Variants in PTPRT observed in about 807,000 individuals in gnomAD.
The protein encoded by PTPRT is receptor-type tyrosine-protein phosphatase T.
PTPRT carries 56 observed loss-of-function variants against 176.8 expected under a neutral mutation model. The observed-to-expected ratio is 0.32, with a 90% confidence interval of 0.26 to 0.40. The LOEUF (loss-of-function observed/expected upper bound fraction) is 0.40, where lower values mean the gene tolerates loss of function less well. Among genes scored for constraint, PTPRT ranks in the 10% least tolerant of loss-of-function variants. The pLI, the probability that PTPRT is intolerant of heterozygous loss-of-function variation, is 1.00. For synonymous variants in PTPRT, 783 were observed against 739.0 expected (o/e 1.06, Z -0.96); for missense variants, 1,540 against 1,908.2 (o/e 0.81, Z 3.60).
chr20:42,397,803 C>T (rs139336708), intron 9 of PTPRT, among the ~76,000 whole-genome samples: 1 of 152,082 alleles, frequency 6.6e-6, no homozygotes, highest in Non-Finnish European at 1.5e-5. Context: ...TGAGTATATA[C>T]CCAGTAGTGG....
chr20:42,937,914 C>G (rs927544310), intron 1 of PTPRT, among the ~76,000 whole-genome samples: 1 of 152,148 alleles, frequency 6.6e-6, no homozygotes, highest in African/African-American at 2.4e-5. Flanking sequence ...ACAAGTGACT[C>G]AGATATGCTA....
intron 2 of PTPRT, among the ~76,000 whole-genome samples, chr20:42,844,474 G>T (rs2145737241): frequency 6.6e-6 from 1 of 152,230 alleles, no homozygotes. Flanking sequence ...GATTTCATTG[G>T]TTTCCAGGAC....
At chr20:42,698,021 TC>T (rs2075910000) in intron 6 of PTPRT, among the ~76,000 whole-genome samples, 1 of 152,224 alleles carries the variant, frequency 6.6e-6, no homozygotes, top group East Asian at 1.9e-4. Flanking sequence ...TGATCTCTAA[TC>T]GTATCATTCC....
At chr20:42,748,055 T>C (rs1172741448) in intron 6 of PTPRT, among the ~76,000 whole-genome samples, 4 of 152,172 alleles carry the variant, frequency 2.6e-5, no homozygotes, top group Non-Finnish European at 4.4e-5. Context: ...CCTGTTTCTG[T>C]AAATAAAGTT....
chr20:42,573,475 T>C (rs2073195258), intron 7 of PTPRT, among the ~76,000 whole-genome samples: 1 of 152,170 alleles, frequency 6.6e-6, no homozygotes, highest in Non-Finnish European at 1.5e-5. Context: ...TTAGACAGTG[T>C]TGTGGTGAGA....
chr20:42,139,040 G>A (rs187792450), intron 18 of PTPRT, among the ~76,000 whole-genome samples: 9 of 152,314 alleles, frequency 5.9e-5, no homozygotes, highest in East Asian at 5.8e-4. Flanking sequence ...TGGGAGGGAC[G>A]CATACAAGGG....
At chr20:43,066,432 G>T (rs1470475012) in intron 1 of PTPRT, among the ~76,000 whole-genome samples, 3 of 152,134 alleles carry the variant, frequency 2.0e-5, no homozygotes, top group African/African-American at 7.2e-5. Context: ...CATTGCAGAG[G>T]CTCCCAGTGA....
chr20:42,618,039 C>A (rs1461994453), intron 7 of PTPRT, among the ~76,000 whole-genome samples: 1 of 136,804 alleles, frequency 7.3e-6, no homozygotes. Context: ...GTTAGGGTGT[C>A]AATTTTGGAT....
chr20:42,133,121 C>T (rs1046662194), intron 18 of PTPRT, among the ~76,000 whole-genome samples: 3 of 152,300 alleles, frequency 2.0e-5, no homozygotes, highest in African/African-American at 7.2e-5. Flanking sequence ...ACATATTCTA[C>T]ACTTTATTAT....
At position 42,258,097 on chromosome 20, in the gene PTPRT, A is replaced by G. The variant is rs974989870; in HGVS notation, c.2177-9275T>C. On this transcript the variant is annotated intron_variant, in intron 13 of 30. Coordinates refer to ENST00000373187, the MANE Select transcript of PTPRT (RefSeq NM_007050.6). ...TGTCTTTTCTCAAATATCTGGAAGAAAGAAGCAGACACGTATTTAGATCTA... is the reference window on the plus strand; with the variant it reads ...TGTCTTTTCTCAAATATCTGGAAGAGAGAAGCAGACACGTATTTAGATCTA... Among the ~76,000 whole-genome samples the G allele has an allele frequency of 2.0e-5, 3 of 152,200 alleles. No individual in the cohort carries two copies. In the South Asian group the frequency reaches 6.2e-4, roughly 32 times the overall value.
chr20:43,105,601 A>G (rs1267052029), intron 1 of PTPRT, among the ~76,000 whole-genome samples: 2 of 152,100 alleles, frequency 1.3e-5, no homozygotes, highest in African/African-American at 2.4e-5. Flanking sequence ...AAGTTTCACT[A>G]TGTTGCCCAG....
At chr20:42,367,849 C>T (rs2058535723) in intron 9 of PTPRT, among the ~76,000 whole-genome samples, 1 of 152,140 alleles carries the variant, frequency 6.6e-6, no homozygotes, top group Non-Finnish European at 1.5e-5. Context: ...AGGCATCTAG[C>T]CTGGGTGGCA....
At chr20:43,008,216 A>C (rs2146144804) in intron 1 of PTPRT, among the ~76,000 whole-genome samples, 1 of 152,152 alleles carries the variant, frequency 6.6e-6, no homozygotes, top group South Asian at 2.1e-4. Context: ...ATGAAAGTGA[A>C]GTTCTCATGA....
intron 12 of PTPRT, among the ~76,000 whole-genome samples, chr20:42,298,499 A>G (rs534619956): frequency 6.6e-6 from 1 of 152,332 alleles, no homozygotes; most frequent in African/African-American, 2.4e-5. Context: ...ATTCACTCTG[A>G]AGACGCACCT....
intron 16 of PTPRT, among the ~76,000 whole-genome samples, chr20:42,162,329 A>G (rs1041729772): frequency 6.6e-6 from 1 of 152,100 alleles, no homozygotes; most frequent in African/African-American, 2.4e-5. Flanking sequence ...TCTCTCCCTG[A>G]TGTAGGATCT....
intron 12 of PTPRT, among the ~76,000 whole-genome samples, chr20:42,298,803 C>A (rs1367879233): frequency 6.6e-6 from 1 of 152,064 alleles, no homozygotes; most frequent in Non-Finnish European, 1.5e-5. Flanking sequence ...TGCCTTTAAT[C>A]CCAGCCACTT....
intron 1 of PTPRT, among the ~76,000 whole-genome samples, chr20:42,902,008 C>G (rs1280885144): frequency 6.6e-6 from 1 of 152,088 alleles, no homozygotes; most frequent in African/African-American, 2.4e-5. Flanking sequence ...TACTATCTAG[C>G]CTTTGATGGA....
intron 13 of PTPRT, chr20:42,270,518 G>A: frequency 2.1e-6 from 3 of 1,441,732 alleles, no homozygotes; most frequent in Non-Finnish European, 2.9e-6. Context: ...AAACACACAT[G>A]AAAACGTGCA....
intron 2 of PTPRT, among the ~76,000 whole-genome samples, chr20:42,872,696 C>T (rs1412505278): frequency 6.6e-6 from 1 of 152,198 alleles, no homozygotes; most frequent in Non-Finnish European, 1.5e-5. Context: ...AAGAAACTGA[C>T]TTCTGATATT....
Sources: allele counts gnomAD v4.1 joint callset (sites outside exome capture counted in the v4.1 genomes callset), GRCh38; gene constraint gnomAD v4.1.1; transcripts MANE v1.5; gene names NCBI Gene and HGNC (gene_info 2026-07-23, HGNC 2026-07-21).